FRYL: variants seen among roughly 807,000 people sequenced by gnomAD.
The protein encoded by FRYL is FRY like transcription coactivator.
A neutral mutation model predicts 351.2 loss-of-function variants in FRYL; 150 were observed. That is an observed-to-expected ratio of 0.43 (90% confidence interval 0.37 to 0.49). FRYL has a LOEUF of 0.49. FRYL is among the 20% of genes least tolerant of loss of function. The probability of loss-of-function intolerance (pLI) is 0.00; values close to 1 mark genes in which losing one functional copy is unlikely to be tolerated. For synonymous variants in FRYL, 1,153 were observed against 1,257.1 expected (o/e 0.92, Z 1.75); for missense variants, 3,036 against 3,619.3 (o/e 0.84, Z 4.13).
At chr4:48,628,686 C>T (rs1407927210) in intron 4 of FRYL, among the ~76,000 whole-genome samples, 2 of 151,838 alleles carry the variant, frequency 1.3e-5, no homozygotes, top group African/African-American at 4.8e-5. Context: ...ATATTGAATG[C>T]CCCAACATAA....
chr4:48,538,205 C>A (rs1729318170), intron 47 of FRYL, among the ~76,000 whole-genome samples: 1 of 151,976 alleles, frequency 6.6e-6, no homozygotes. Context: ...TAATAAAAAC[C>A]AAGAATAAAA....
chr4:48,579,138 A>G lies in FRYL; in HGVS notation c.2363T>C (p.Ile788Thr). ...TTGGGTCACATGTGCAAATATCCAT[A>G]TATGTGATGGACTAATCACATCAAA... ...HQFDVISPSH[I>T]WIFAHVTQGQ... Residue 788 changes from isoleucine (I) to threonine (T), a missense_variant, in exon 23 of 64, where the codon ATA (isoleucine) becomes ACA (threonine). Ile to Thr is a moderately conservative substitution (Grantham distance 89). Around this residue, in one of 7 missense-constraint regions of FRYL, gnomAD observed 492 missense variants for 551.5 expected, o/e 0.89. Coordinates refer to ENST00000358350, the MANE Select transcript of FRYL (RefSeq NM_015030.2). The G allele has an allele frequency of 6.2e-7, 1 of 1,613,852 alleles. No homozygotes were observed. Among genetic ancestry groups the G allele is most frequent in the South Asian group, 1.1e-5 (1 of 91,080 alleles).
At position 48,780,275 on chromosome 4, in the gene FRYL, C is replaced by G. The variant is rs1776536244; in HGVS notation, c.-581G>C. 1 of 153,428 alleles carries G rather than the reference C, an allele frequency of 6.5e-6. No individual in the cohort carries two copies. Among genetic ancestry groups the G allele is most frequent in the African/African-American group, 2.4e-5 (1 of 41,472 alleles). 9.5% of individuals were successfully genotyped at this position (153,428 alleles called of 1,614,324 possible). ...TCGCTCTCTCCCAGAGCCCGACGGGCGCCCGGCTGTGCTGCGAGGTCTTCC... is the reference window on the plus strand; with the variant it reads ...TCGCTCTCTCCCAGAGCCCGACGGGGGCCCGGCTGTGCTGCGAGGTCTTCC... On this transcript the variant is annotated 5_prime_UTR_variant, in exon 1 of 64. Coordinates refer to ENST00000358350, the MANE Select transcript of FRYL (RefSeq NM_015030.2).
At chr4:48,694,528 C>T (rs185127481) in intron 2 of FRYL, among the ~76,000 whole-genome samples, 5 of 152,212 alleles carry the variant, frequency 3.3e-5, no homozygotes, top group Admixed American at 3.3e-4. Flanking sequence ...AACTCCTGAC[C>T]TCAGGTGATC....
intron 28 of FRYL, among the ~76,000 whole-genome samples, chr4:48,566,215 G>A (rs1013058790): frequency 3.3e-5 from 5 of 152,098 alleles, no homozygotes; most frequent in African/African-American, 1.2e-4. Context: ...CAGGCCTAGT[G>A]TCCAAACACA....
intron 23 of FRYL, among the ~76,000 whole-genome samples, chr4:48,577,868 C>T (rs1282145362): frequency 1.3e-5 from 2 of 150,658 alleles, no homozygotes; most frequent in Non-Finnish European, 3.0e-5. Flanking sequence ...AGAGTGAGAC[C>T]CTGCCTCTTT....
chr4:48,520,214 G>A (rs1724609282), intron 55 of FRYL, among the ~76,000 whole-genome samples: 1 of 152,092 alleles, frequency 6.6e-6, no homozygotes, highest in Non-Finnish European at 1.5e-5. Flanking sequence ...ATGAGTATGA[G>A]CATTTTAAAG....
At chr4:48,749,941 C>T (rs1300993384) in intron 1 of FRYL, among the ~76,000 whole-genome samples, 1 of 151,922 alleles carries the variant, frequency 6.6e-6, no homozygotes, top group Non-Finnish European at 1.5e-5. Flanking sequence ...AAGAGCAGCC[C>T]AGGCAAAATA....
In FRYL at chr4:48,720,528, A is replaced by T. The variant is rs754966167; in HGVS notation, c.-383-9830T>A. Among the ~76,000 whole-genome samples the T allele has an allele frequency of 1.6e-3, 247 of 152,210 alleles. 5 individuals carry two copies. Among genetic ancestry groups the T allele is most frequent in the Middle Eastern group, 0.01 (3 of 294 alleles). ...ATAAAATAAATAAATAAATAAAATTAAAATTTAAAAAAGGTGTACATTAAA... is the reference window on the plus strand; with the variant it reads ...ATAAAATAAATAAATAAATAAAATTTAAATTTAAAAAAGGTGTACATTAAA... On this transcript the variant is annotated intron_variant, in intron 1 of 63. Coordinates refer to ENST00000358350, the MANE Select transcript of FRYL (RefSeq NM_015030.2).
chr4:48,518,325 A>G (rs970703999), intron 55 of FRYL, among the ~76,000 whole-genome samples: 1 of 152,158 alleles, frequency 6.6e-6, no homozygotes, highest in Non-Finnish European at 1.5e-5. Context: ...TTGTGCCCTT[A>G]GTCAGGCCCT....
At chr4:48,706,292 T>C (rs998073276) in intron 2 of FRYL, among the ~76,000 whole-genome samples, 19 of 152,322 alleles carry the variant, frequency 1.2e-4, no homozygotes, top group South Asian at 2.1e-4. Flanking sequence ...GTAAATACAA[T>C]GGAATATTAT....
At position 48,527,717 on chromosome 4, in the gene FRYL, T is replaced by C. The variant is rs1308941583; in HGVS notation, c.7141-64A>G. On this transcript the variant is annotated intron_variant, in intron 52 of 63. Coordinates refer to ENST00000358350, the MANE Select transcript of FRYL (RefSeq NM_015030.2). ...CAGATTTGTCACTCTGCGTATGAGG[T>C]ATCAGTACCCCAAAGCCACCGCAGG... The C allele has an allele frequency of 3.4e-6, 5 of 1,470,182 alleles. No homozygotes were observed. In the Admixed American group the frequency reaches 6.4e-5, roughly 19 times the overall value. 91.1% of individuals were successfully genotyped at this position (1,470,182 alleles called of 1,614,324 possible).
intron 27 of FRYL, among the ~76,000 whole-genome samples, chr4:48,569,110 G>T (rs1441322389): frequency 2.0e-5 from 3 of 152,186 alleles, no homozygotes; most frequent in South Asian, 4.2e-4. Flanking sequence ...TTTAAATACA[G>T]CAAAATTTTG....
chr4:48,681,891 T>A (rs1764663678), intron 3 of FRYL, among the ~76,000 whole-genome samples: 1 of 152,308 alleles, frequency 6.6e-6, no homozygotes, highest in South Asian at 2.1e-4. Context: ...TACAAAATAT[T>A]TGGAAATAGC....
intron 23 of FRYL, 82 bp from the exon 24 acceptor site, chr4:48,576,304 C>CT (rs780306789): frequency 0.11 from 82,283 of 760,040 alleles, 753 homozygotes; most frequent in African/African-American, 0.2. Context: ...TGCTAAATTT[C>CT]TTTTTTTTTT....
At chr4:48,564,352 A>G (rs545146563) in intron 30 of FRYL, among the ~76,000 whole-genome samples, 1 of 152,360 alleles carries the variant, frequency 6.6e-6, no homozygotes, top group African/African-American at 2.4e-5. Flanking sequence ...AGAGCCCTGA[A>G]GGCAGTTAAT....
At position 48,535,654 on chromosome 4, in the gene FRYL, T is replaced by TA; in HGVS notation, c.6564+2dup. 1 of 1,564,750 alleles carries TA rather than the reference T, an allele frequency of 6.4e-7. No individual in the cohort carries two copies. Among genetic ancestry groups the TA allele is most frequent in the Non-Finnish European group, 8.7e-7 (1 of 1,154,640 alleles). ...AATAAGAAAATATTTTTGGTAAATT[T>TA]ACCTCTGCAAGATAAGTCACAAGAT... On this transcript the variant is annotated splice_region_variant and intron_variant, in intron 48 of 63. Coordinates refer to ENST00000358350, the MANE Select transcript of FRYL (RefSeq NM_015030.2).
chr4:48,623,141 A>T lies in FRYL; in HGVS notation c.159T>A (p.Asp53Glu). ...ATTGTCATACCTGATCAAACTGAAGATCTTCACCCCTCTGAAGAGATCTGG... is the reference window on the plus strand; with the variant it reads ...ATTGTCATACCTGATCAAACTGAAGTTCTTCACCCCTCTGAAGAGATCTGG... The part of the protein sequence containing the change: ...LLSRSLQRGE[D>E]LQFDQLISSM... Residue 53 changes from aspartate to glutamate, a missense_variant, in exon 5 of 64, where the codon GAT (aspartate) becomes GAA (glutamate). Physicochemically the swap from Asp to Glu is conservative, Grantham distance 45 (BLOSUM62 2). Around this residue, in one of 7 missense-constraint regions of FRYL, gnomAD observed 457 missense variants for 566.6 expected, o/e 0.81. Coordinates refer to ENST00000358350, the MANE Select transcript of FRYL (RefSeq NM_015030.2). 2 of 1,581,044 alleles carry T rather than the reference A, an allele frequency of 1.3e-6. No individual in the cohort carries two copies. Among genetic ancestry groups the T allele is most frequent in the Non-Finnish European group, 1.7e-6 (2 of 1,164,024 alleles).
At chr4:48,536,387 AT>A (rs1179187209) in intron 47 of FRYL, among the ~76,000 whole-genome samples, 1 of 152,186 alleles carries the variant, frequency 6.6e-6, no homozygotes, top group African/African-American at 2.4e-5. Flanking sequence ...GACAGTCTGC[AT>A]GGTGGACCTC....
Sources: gnomAD v4.1 joint callset for allele counts (sites outside exome capture counted in the v4.1 genomes callset) on GRCh38, gnomAD v4.1.1 for gene constraint, gnomAD v4.1.1 regional missense constraint, MANE v1.5 for transcripts, NCBI Gene and HGNC (gene_info 2026-07-23, HGNC 2026-07-21) for gene names.